ASIC1: variants seen among roughly 807,000 people sequenced by gnomAD.
The protein encoded by ASIC1 is acid-sensing ion channel 1.
In ASIC1, 21 loss-of-function variants were observed where a neutral mutation model predicts 63.4. That is an observed-to-expected ratio of 0.33 (90% CI 0.23 to 0.48). The LOEUF is 0.48. Among genes scored for constraint, ASIC1 ranks in the 20% least tolerant of loss-of-function variants. The pLI is 0.99. For synonymous variants in ASIC1, 258 were observed against 278.2 expected (o/e 0.93, Z 0.72); for missense variants, 478 against 695.5 (o/e 0.69, Z 3.52).
At chr12:50,079,873 A>G (rs1323475727) in intron 7 of ASIC1, 29 bp from the exon 8 acceptor site, 8 of 1,580,452 alleles carry the variant, frequency 5.1e-6, no homozygotes, top group Admixed American at 3.5e-5. Context: ...GCACCACTCA[A>G]CTGAGACCTC....
In ASIC1 at chr12:50,062,810, C is replaced by T. The variant is rs533367595; in HGVS notation, c.558+2856C>T. Among the ~76,000 whole-genome samples the T allele has an allele frequency of 3.3e-5, 5 of 152,300 alleles. No individual in the cohort carries two copies. In the East Asian group the frequency reaches 9.6e-4, roughly 29 times the overall value. On this transcript the variant is annotated intron_variant, in intron 3 of 11. Transcript: ENST00000447966. ...TAACAGGCATTTCTCCAGATGTGCT[C>T]CTGGATCTAGCTCAACCCCAGGGAA... is the stretch of plus-strand genomic sequence containing the variant.
rs1950667196 is a variant in ASIC1 at position 50,077,382 on chromosome 12, G to GT, written c.709+19_709+20insT. 6.2e-7 allele frequency: 1 copy of GT among 1,613,758 alleles called. No homozygotes were observed. Among genetic ancestry groups the GT allele is most frequent in the African/African-American group, 1.3e-5 (1 of 74,912 alleles). On this transcript the variant is annotated intron_variant, in intron 4 of 11. Coordinates refer to ENST00000447966, the MANE Select transcript of ASIC1 (RefSeq NM_001095.4). Reference sequence around the variant, plus strand: ...GAGACTGGTACGTCACCCACTTCAGGGGCCCCTCTGCATGGCTCTAGGCCC... The same window carrying GT: ...GAGACTGGTACGTCACCCACTTCAGGTGGCCCCTCTGCATGGCTCTAGGCCC...
chr12:50,073,198 G>T (rs973967660), intron 3 of ASIC1, among the ~76,000 whole-genome samples: 1 of 152,088 alleles, frequency 6.6e-6, no homozygotes, highest in Non-Finnish European at 1.5e-5. Flanking sequence ...CACCTGGGAG[G>T]GGTGGGTTCC....
At chr12:50,079,635 G>T (rs1950694191) in intron 7 of ASIC1, among the ~76,000 whole-genome samples, 1 of 152,148 alleles carries the variant, frequency 6.6e-6, no homozygotes, top group Non-Finnish European at 1.5e-5. Context: ...GGGGGCAGCT[G>T]GGGTTCTCCT....
intron 9 of ASIC1, 52 bp downstream of exon 9, chr12:50,080,641 C>T: frequency 1.2e-6 from 2 of 1,614,186 alleles, no homozygotes; most frequent in African/African-American, 1.3e-5. Context: ...CATGGCGTGG[C>T]TCCCTATCAT....
intron 3 of ASIC1, chr12:50,070,727 C>G (rs1223592166): frequency 6.6e-6 from 1 of 152,244 alleles, no homozygotes; most frequent in Non-Finnish European, 1.5e-5. Flanking sequence ...CAAGCCTCAG[C>G]CCCACTCCAC....
rs748571094 is a variant in ASIC1, at chr12:50,059,039, G to T, written c.273G>T (p.Thr91=). The change falls in exon 2 of 12, where the codon ACG becomes ACT. Residue 91 remains threonine (T), a synonymous_variant. Coordinates refer to ENST00000447966, the MANE Select transcript of ASIC1 (RefSeq NM_001095.4). The surrounding 1 kb of genome is among the most constrained non-coding windows in gnomAD (Gnocchi z 4.6). The part of the protein sequence containing the change: ...AASQLTFPAV[T]LCNLNEFRFS... ...CTCAGCTTACCTTCCCTGCTGTCACGCTGTGCAACCTCAACGAGTTCCGCT... is the reference window on the plus strand; with the variant it reads ...CTCAGCTTACCTTCCCTGCTGTCACTCTGTGCAACCTCAACGAGTTCCGCT... The T allele has an allele frequency of 1.2e-6, 2 of 1,614,024 alleles. No homozygotes were observed. The highest frequency in any genetic ancestry group is 1.7e-6 in the Non-Finnish European group (2 of 1,180,032).
chr12:50,063,603 G>A (rs577700625), intron 3 of ASIC1, among the ~76,000 whole-genome samples: 175 of 152,228 alleles, frequency 1.1e-3, no homozygotes, highest in African/African-American at 4.1e-3. Flanking sequence ...CCCTGGATTG[G>A]AGACCAGAAT....
chr12:50,078,281 C>G lies in ASIC1; in HGVS notation c.838-140C>G, dbSNP rs1051048407. On this transcript the variant is annotated intron_variant, in intron 5 of 11. Coordinates refer to ENST00000447966, the MANE Select transcript of ASIC1 (RefSeq NM_001095.4). The surrounding 1 kb of genome is among the most constrained non-coding windows in gnomAD (Gnocchi z 6.0). ...GAGTGATCGAATGAACAAGAATGCT[C>G]TGTAAACTCTGAGACCTTTGGAGGC... The G allele has an allele frequency of 2.0e-6, 3 of 1,505,794 alleles. No individual in the cohort carries two copies. Among genetic ancestry groups the G allele is most frequent in the Non-Finnish European group, 2.7e-6 (3 of 1,114,908 alleles). 93.3% of individuals were successfully genotyped at this position (1,505,794 alleles called of 1,614,324 possible).
intron 3 of ASIC1, among the ~76,000 whole-genome samples, chr12:50,060,571 G>A (rs1244572917): frequency 6.6e-6 from 1 of 152,188 alleles, no homozygotes; most frequent in Admixed American, 6.5e-5. Flanking sequence ...TTTCCTGCTT[G>A]CCGGCAAGAG....
Position 50,059,105 on chromosome 12 carries a change from G to A in ASIC1, c.339G>A (p.Glu113=). 6.2e-7 allele frequency: 1 copy of A among 1,613,838 alleles called. No homozygotes were observed. The highest frequency in any genetic ancestry group is 8.5e-7 in the Non-Finnish European group (1 of 1,179,944). The change falls in exon 2 of 12, where the codon GAG becomes GAA. Residue 113 remains glutamate (E), a synonymous_variant. Coordinates refer to ENST00000447966, the MANE Select transcript of ASIC1 (RefSeq NM_001095.4). This position sits in a 1 kb window ranked among gnomAD's most constrained non-coding sequence, Gnocchi z 4.6. ...AGAATGACCTGTATCATGCTGGGGA[G>A]CTGCTGGCCCTGCTCAACAACAGGT... is the stretch of plus-strand genomic sequence containing the variant. The part of the protein sequence containing the change: ...VSKNDLYHAG[E]LLALLNNRYE...
At chr12:50,080,935 G>A (rs560760629) in intron 9 of ASIC1, among the ~76,000 whole-genome samples, 167 bp from the exon 10 acceptor site, 19 of 152,356 alleles carry the variant, frequency 1.2e-4, no homozygotes, top group Admixed American at 6.5e-4. Context: ...ACGCAGAAAA[G>A]CATAGAGAAG....
chr12:50,075,107 C>T (rs1274540277), intron 3 of ASIC1, among the ~76,000 whole-genome samples: 1 of 152,068 alleles, frequency 6.6e-6, no homozygotes, highest in African/African-American at 2.4e-5. Context: ...TCTGTCTGGC[C>T]TGACTGCTCT....
intron 3 of ASIC1, among the ~76,000 whole-genome samples, chr12:50,072,472 G>A (rs1950609307): frequency 6.6e-6 from 1 of 152,110 alleles, no homozygotes; most frequent in South Asian, 2.1e-4. Context: ...AGCGGTAGGG[G>A]AGCCTCAGAG....
intron 3 of ASIC1, chr12:50,073,687 G>A (rs1030541063): frequency 6.5e-7 from 1 of 1,536,510 alleles, no homozygotes; most frequent in Admixed American, 2.0e-5. Context: ...GCAGCAGCAG[G>A]ACATCTCAGA....
In ASIC1 at chr12:50,081,970, G is replaced by A. The variant is rs1950725838; in HGVS notation, c.*321G>A. On this transcript the variant is annotated 3_prime_UTR_variant, in exon 12 of 12. Coordinates refer to ENST00000447966, the MANE Select transcript of ASIC1 (RefSeq NM_001095.4). Reference sequence around the variant, plus strand: ...CTGTCTATCTAGCTGTCTGCCATCTGAGTGTCCATCTACATTCTGCTGCCA... The same window carrying A: ...CTGTCTATCTAGCTGTCTGCCATCTAAGTGTCCATCTACATTCTGCTGCCA... The A allele has an allele frequency of 2.9e-6, 1 of 344,690 alleles. No individual in the cohort carries two copies. Among genetic ancestry groups the A allele is most frequent in the Non-Finnish European group, 5.4e-6 (1 of 186,764 alleles). 21.4% of individuals were successfully genotyped at this position (344,690 alleles called of 1,614,324 possible). A position where few individuals can be genotyped will look rare whatever the true frequency, so the allele number is the denominator to read the frequency against.
intron 3 of ASIC1, among the ~76,000 whole-genome samples, chr12:50,070,491 C>G (rs1296992276): frequency 1.3e-5 from 2 of 151,886 alleles, no homozygotes; most frequent in Non-Finnish European, 2.9e-5. Flanking sequence ...GCAGTGTGGT[C>G]TTGGTTGCTG....
intron 3 of ASIC1, among the ~76,000 whole-genome samples, chr12:50,075,480 T>C (rs1950646522): frequency 6.6e-6 from 1 of 152,190 alleles, no homozygotes; most frequent in Non-Finnish European, 1.5e-5. Flanking sequence ...CATGGGCATA[T>C]GTCCAGCCTG....
At chr12:50,079,466 T>C (rs1950692633) in intron 7 of ASIC1, among the ~76,000 whole-genome samples, 3 of 152,106 alleles carry the variant, frequency 2.0e-5, no homozygotes, top group Non-Finnish European at 1.5e-5. Context: ...GAGGCCCCTA[T>C]GAAAAATGAA....
Sources: gnomAD v4.1 joint callset for allele counts (sites outside exome capture counted in the v4.1 genomes callset) on GRCh38, gnomAD v4.1.1 for gene constraint, Gnocchi (gnomAD v3.1) non-coding constraint, MANE v1.5 for transcripts, NCBI Gene and HGNC (gene_info 2026-07-23, HGNC 2026-07-21) for gene names.